RASGRP2: variants seen among roughly 807,000 people sequenced by gnomAD.
RASGRP2 encodes RAS guanyl-releasing protein 2.
A neutral mutation model predicts 71.0 loss-of-function variants in RASGRP2; 44 were observed. That is an observed-to-expected ratio of 0.62 (90% confidence interval 0.49 to 0.80). RASGRP2 has a LOEUF of 0.80. Ranked by LOEUF, RASGRP2 falls within the 30% of genes least tolerant of loss-of-function variation. The probability of loss-of-function intolerance (pLI) is 0.00; values close to 1 mark genes in which losing one functional copy is unlikely to be tolerated. For synonymous variants in RASGRP2, 350 were observed against 330.7 expected, an observed-to-expected ratio of 1.06 and a Z score of -0.63; for missense variants, 663 against 813.4, an observed-to-expected ratio of 0.82 and a Z score of 2.25.
Position 64,735,345 on chromosome 11 carries a change from G to T in RASGRP2, c.1297-118C>A, listed in dbSNP as rs371187689. 7 of 1,274,792 alleles carry T rather than the reference G, an allele frequency of 5.5e-6. No homozygotes were observed. The East Asian group carries it at 9.5e-5, about 17-fold the overall frequency. The allele number at this position is 1,274,792 out of a possible 1,614,324, so 79.0% of individuals were successfully genotyped here. A position where few individuals can be genotyped will look rare whatever the true frequency, so the allele number is the denominator to read the frequency against. ...TGAGGTGTGTCTCAGAGAGGTCTCT[G>T]ACACCACCCCCGTTCCATACCTCCA... On this transcript the variant is annotated intron_variant, in intron 11 of 16. Transcript: ENST00000394432. The surrounding 1 kb of genome is among the most constrained non-coding windows in gnomAD (Gnocchi z 4.2).
chr11:64,737,089 C>G (rs923373106), intron 8 of RASGRP2, 55 bp from the exon 9 acceptor site: 1 of 1,603,436 alleles, frequency 6.2e-7, no homozygotes, highest in Admixed American at 1.7e-5. Flanking sequence ...CCTACCTCAG[C>G]CCTGGAAATG....
At chr11:64,734,162 A>C (rs1471674409) in intron 12 of RASGRP2, among the ~76,000 whole-genome samples, 1 of 151,828 alleles carries the variant, frequency 6.6e-6, no homozygotes, top group African/African-American at 2.4e-5. Context: ...AAATACAAAA[A>C]TTAGCCAGGC....
chr11:64,729,931 A>G (rs923411185), intron 13 of RASGRP2, 122 bp downstream of exon 13: 24 of 1,547,000 alleles, frequency 1.6e-5, no homozygotes, highest in Admixed American at 3.8e-5. Context: ...AGGAGAGGCA[A>G]ATAGAATTAC....
Position 64,740,102 on chromosome 11 carries a change from T to G in RASGRP2, c.433A>C (p.Lys145Gln), listed in dbSNP as rs1565516537. 6.2e-7 allele frequency: 1 copy of G among 1,614,142 alleles called. No individual in the cohort carries two copies. The highest frequency in any genetic ancestry group is 1.3e-5 in the African/African-American group (1 of 75,036). ...QRNPVGQKKR[K>Q]MSLLFDHLEP... Reference sequence around the variant, plus strand: ...AGGTGGTCAAACAACAGGGACATCTTGCGCTTTTTCTGTCCCACAGGGTTC... The same window carrying G: ...AGGTGGTCAAACAACAGGGACATCTGGCGCTTTTTCTGTCCCACAGGGTTC... The change falls in exon 6 of 17, where the codon AAG becomes CAG. Residue 145 changes from lysine (K) to glutamine (Q), a missense_variant. Lys to Gln is a moderately conservative substitution (Grantham distance 53, BLOSUM62 1). Transcript: ENST00000394432.
chr11:64,735,727 C>T lies in RASGRP2; in HGVS notation c.1174-63G>A. The T allele has an allele frequency of 6.4e-7, 1 of 1,564,508 alleles. No homozygotes were observed. The highest frequency in any genetic ancestry group is 1.2e-5 in the South Asian group (1 of 86,356). ...AGGGGAAGCCCAGAGCCCCGGGGAA[C>T]AGAGAGGGGAATCCCTGGGAGAGGG... is the stretch of plus-strand genomic sequence containing the variant. On this transcript the variant is annotated intron_variant, in intron 10 of 16. Coordinates refer to ENST00000394432, the MANE Select transcript of RASGRP2 (RefSeq NM_001098671.2). The surrounding 1 kb of genome is among the most constrained non-coding windows in gnomAD (Gnocchi z 4.2).
chr11:64,726,992 AGCCCTGGCCCT>A lies in RASGRP2; in HGVS notation c.*135_*145del. 2.5e-6 allele frequency: 1 copy of A among 406,676 alleles called. No individual in the cohort carries two copies. Among genetic ancestry groups the A allele is most frequent in the East Asian group, 5.3e-5 (1 of 18,962 alleles). 25.2% of individuals were successfully genotyped at this position (406,676 alleles called of 1,614,324 possible). On this transcript the variant is annotated 3_prime_UTR_variant, in exon 17 of 17. Coordinates refer to ENST00000394432, the MANE Select transcript of RASGRP2 (RefSeq NM_001098671.2). Reference sequence around the variant, plus strand: ...GAGTCTGTACAACCTTAGGGACACCAGCCCTGGCCCTGCCCTCAGCTGCATGCCACCCTCAT... The same window carrying A: ...GAGTCTGTACAACCTTAGGGACACCAGCCCTCAGCTGCATGCCACCCTCAT...
chr11:64,727,053 TG>T lies in RASGRP2; in HGVS notation c.*84del. ...TATCCCACCCCCATCCCCAGCCTCC[TG>T]CCCCGACACCCCCAGGCTCCCTGCT... On this transcript the variant is annotated 3_prime_UTR_variant, in exon 17 of 17. Coordinates refer to ENST00000394432, the MANE Select transcript of RASGRP2 (RefSeq NM_001098671.2). The T allele has an allele frequency of 3.2e-6, 1 of 313,856 alleles. No homozygotes were observed. The highest frequency in any genetic ancestry group is 6.3e-6 in the Non-Finnish European group (1 of 157,998). The allele number at this position is 313,856 out of a possible 1,614,324, so 19.4% of individuals were successfully genotyped here.
intron 12 of RASGRP2, among the ~76,000 whole-genome samples, chr11:64,732,947 G>A (rs566824085): frequency 7.9e-5 from 12 of 150,986 alleles, no homozygotes; most frequent in South Asian, 2.1e-4. Flanking sequence ...GCAAAACTCC[G>A]TCTCAAAAAA....
At chr11:64,736,692 C>G in intron 9 of RASGRP2, 61 bp downstream of exon 9, 1 of 1,531,498 alleles carries the variant, frequency 6.5e-7, no homozygotes. Flanking sequence ...ACAGCCAGGA[C>G]CTGGGGAAAC....
At chr11:64,744,229 G>GT, upstream of RASGRP2, 2 of 985,842 alleles carry the variant, frequency 2.0e-6, no homozygotes, top group Non-Finnish European at 2.4e-6. Flanking sequence ...CCCATTTGCG[G>GT]TGCAGGGCCC....
chr11:64,732,982 G>A (rs189404852), intron 12 of RASGRP2, among the ~76,000 whole-genome samples: 194 of 151,158 alleles, frequency 1.3e-3, no homozygotes, highest in African/African-American at 4.4e-3. Flanking sequence ...AAAATTAGCC[G>A]GGTCTGGTGG....
chr11:64,729,124 A>C (rs1592348796), intron 14 of RASGRP2, 82 bp from the exon 15 acceptor site: 1 of 1,391,060 alleles, frequency 7.2e-7, no homozygotes, highest in Non-Finnish European at 9.9e-7. Context: ...GTGCCCCCCT[A>C]CCAGGAACCT....
rs527961505 is a variant in RASGRP2 at position 64,739,095 on chromosome 11, C to T, written c.813+265G>A. On this transcript the variant is annotated intron_variant, in intron 8 of 16. Transcript: ENST00000394432. The surrounding 1 kb of genome is among the most constrained non-coding windows in gnomAD (Gnocchi z 4.2). ...CAAGGCTGCAGTGAGCTTGTGACTG[C>T]ACCACTGAACTCCAGTCTGGACAAC... 2.0e-5 allele frequency among the ~76,000 whole-genome samples: 3 copies of T among 151,468 alleles called. No individual in the cohort carries two copies. Among genetic ancestry groups the T allele is most frequent in the East Asian group, 3.9e-4 (2 of 5,170 alleles).
Position 64,742,752 on chromosome 11 carries a change from G to C in RASGRP2, c.73+42C>G, listed in dbSNP as rs368949675. 1.9e-6 allele frequency: 3 copies of C among 1,576,096 alleles called. No homozygotes were observed. The South Asian group carries it at 3.5e-5, about 18-fold the overall frequency. On this transcript the variant is annotated intron_variant, in intron 2 of 16. Coordinates refer to ENST00000394432, the MANE Select transcript of RASGRP2 (RefSeq NM_001098671.2). The surrounding 1 kb of genome is among the most constrained non-coding windows in gnomAD (Gnocchi z 4.7). Reference sequence around the variant, plus strand: ...GAGGCAGGGACCCGGGCTCAGACTCGGGGCTAGGCTCAGGCTCCGTGTGCC... The same window carrying C: ...GAGGCAGGGACCCGGGCTCAGACTCCGGGCTAGGCTCAGGCTCCGTGTGCC...
chr11:64,729,344 G>GT (rs112743015), intron 14 of RASGRP2, among the ~76,000 whole-genome samples: 139,345 of 146,476 alleles, frequency 0.95, 66,494 homozygotes, highest in Non-Finnish European at 0.99. Context: ...TTTTTTTGTT[G>GT]TTTTTTTTTT....
At chr11:64,730,969 C>T (rs927957521) in intron 12 of RASGRP2, among the ~76,000 whole-genome samples, 2 of 152,198 alleles carry the variant, frequency 1.3e-5, no homozygotes, top group Non-Finnish European at 2.9e-5. Context: ...GACTGGCCCT[C>T]GCTTGAGACT....
chr11:64,745,072 G>A (rs1423112500), upstream of RASGRP2: 3 of 151,766 alleles, frequency 2.0e-5, no homozygotes, highest in Non-Finnish European at 2.9e-5. Context: ...CTGCCCCGAG[G>A]GCGGGCGACC....
chr11:64,740,767 G>T, intron 5 of RASGRP2, 181 bp downstream of exon 5: 1 of 780,282 alleles, frequency 1.3e-6, no homozygotes. Flanking sequence ...GGCAGTGGAA[G>T]ATGAGGCAGG....
chr11:64,736,865 C>T lies in RASGRP2; in HGVS notation c.983G>A (p.Arg328Gln), dbSNP rs771246989. ...CTGCTTCATCTTGGCCCCGTTGAGC[C>T]GGGTCCGGGCTGGGTCCAGCCAGTC... ...LPDWLDPARTRLNGAKMKQLF... is the reference protein window; with the variant it reads ...LPDWLDPARTQLNGAKMKQLF... Residue 328 changes from arginine (R) to glutamine (Q), a missense_variant, in exon 9 of 17, where the codon CGG (arginine) becomes CAG (glutamine). By Grantham distance (43) the Arg-to-Gln change is conservative. Transcript: ENST00000394432. 8 of 1,613,678 alleles carry T rather than the reference C, an allele frequency of 5.0e-6. No homozygotes were observed. The highest frequency in any genetic ancestry group is 4.5e-5 in the East Asian group (2 of 44,882).
Sources: gnomAD v4.1 joint callset for allele counts (sites outside exome capture counted in the v4.1 genomes callset) on GRCh38, gnomAD v4.1.1 for gene constraint, Gnocchi (gnomAD v3.1) non-coding constraint, MANE v1.5 for transcripts, NCBI Gene and HGNC (gene_info 2026-07-23, HGNC 2026-07-21) for gene names.